BICDL2: variants seen among roughly 807,000 people sequenced by gnomAD.
BICDL2 encodes the protein BICD family-like cargo adapter 2.
In BICDL2, 62 loss-of-function variants were observed where a neutral mutation model predicts 56.6. That is an observed-to-expected ratio of 1.10 (90% CI 0.89 to 1.35). The LOEUF (loss-of-function observed/expected upper bound fraction) is 1.35. Ranked by LOEUF, BICDL2 falls within the 40% of genes most tolerant of loss-of-function variation. The pLI, the probability that BICDL2 is intolerant of heterozygous loss-of-function variation, is 0.00. For synonymous variants in BICDL2, 358 were observed against 319.8 expected (o/e 1.12, Z -1.27); for missense variants, 808 against 684.5 (o/e 1.18, Z -2.01).
chr16:3,035,950 G>A (rs1955728403), intron 1 of BICDL2: 3 of 298,242 alleles, frequency 1.0e-5, no homozygotes, highest in Admixed American at 1.0e-4. Flanking sequence ...CAGGAATGCA[G>A]GACCCTAAGG....
intron 1 of BICDL2, chr16:3,036,186 C>T: frequency 2.3e-6 from 1 of 431,000 alleles, no homozygotes. Flanking sequence ...GCATTCATGC[C>T]CCCACCCCTC....
rs1368796847 is a variant in BICDL2, at chr16:3,035,437, G to A, written c.60C>T (p.Pro20=). ...PSGPLSGGAS[P]SGDEGFFPFV... Reference sequence around the variant, plus strand: ...AGGGGAAGAAGCCCTCGTCGCCGCTGGGAGAGGCGCCCCCTGAGAGCGGCC... The same window carrying A: ...AGGGGAAGAAGCCCTCGTCGCCGCTAGGAGAGGCGCCCCCTGAGAGCGGCC... Residue 20 remains proline (P), a synonymous_variant, in exon 2 of 10, where the codon CCC becomes CCT. Coordinates refer to ENST00000572449, the MANE Select transcript of BICDL2 (RefSeq NM_001369667.1). 2 of 1,612,348 alleles carry A rather than the reference G, an allele frequency of 1.2e-6. No individual in the cohort carries two copies. Among genetic ancestry groups the A allele is most frequent in the African/African-American group, 1.3e-5 (1 of 75,036 alleles).
chr16:3,035,761 ATC>A, intron 1 of BICDL2: 1 of 522,122 alleles, frequency 1.9e-6, no homozygotes, highest in Non-Finnish European at 3.4e-6. Context: ...CTGCCAGACA[ATC>A]TCTGTCCCCA....
Position 3,028,328 on chromosome 16 carries a change from AC to A in BICDL2, c.1359+19del. ...GGTCCCGCCCCTTGCCCCGCCCCGC[AC>A]ACGGGCCCCGCCCCTCACCTGCCAG... On this transcript the variant is annotated intron_variant, in intron 9 of 9. Transcript: ENST00000572449. 6.6e-7 allele frequency: 1 copy of A among 1,521,152 alleles called. No individual in the cohort carries two copies. Among genetic ancestry groups the A allele is most frequent in the Non-Finnish European group, 8.8e-7 (1 of 1,135,312 alleles). The allele number at this position is 1,521,152 out of a possible 1,614,324, so 94.2% of individuals were successfully genotyped here. A position where few individuals can be genotyped will look rare whatever the true frequency, so the allele number is the denominator to read the frequency against.
Position 3,035,317 on chromosome 16 carries a change from G to T in BICDL2, c.180C>A (p.Asp60Glu). The change falls in exon 2 of 10, where the codon GAC becomes GAA. Residue 60 changes from aspartate to glutamate, a missense_variant. Asp to Glu is a conservative substitution (Grantham distance 45). Transcript: ENST00000572449. Reference sequence around the variant, plus strand: ...TGCCGAGCTCCGCGGCCAACAGCAGGTCTTTCTCCTTCTGCTGCAGCTGCA... The same window carrying T: ...TGCCGAGCTCCGCGGCCAACAGCAGTTCTTTCTCCTTCTGCTGCAGCTGCA... ...LALQLQQKEK[D>E]LLLAAELGKM... 1.3e-6 allele frequency: 2 copies of T among 1,580,300 alleles called. No individual in the cohort carries two copies. The highest frequency in any genetic ancestry group is 1.7e-6 in the Non-Finnish European group (2 of 1,163,566).
rs56382043 is a variant in BICDL2 at position 3,027,709 on chromosome 16, CTTT to C, written c.*394_*396del. On this transcript the variant is annotated 3_prime_UTR_variant, in exon 10 of 10. Coordinates refer to ENST00000572449, the MANE Select transcript of BICDL2 (RefSeq NM_001369667.1). ...AGGGTTTTAGAGTGTTTTTCATTTT[CTTT>C]TTTTTTTTTTTTTTACAATAAAGTT... 0.054 allele frequency: 70,947 copies of C among 1,314,938 alleles called. 7 individuals carry two copies. The highest frequency in any genetic ancestry group is 0.081 in the Admixed American group (3,107 of 38,552). The allele number at this position is 1,314,938 out of a possible 1,614,324, so 81.5% of individuals were successfully genotyped here. A position where few individuals can be genotyped will look rare whatever the true frequency, so the allele number is the denominator to read the frequency against.
chr16:3,028,338 C>T lies in BICDL2; in HGVS notation c.1359+10G>A. On this transcript the variant is annotated intron_variant, in intron 9 of 9. Transcript: ENST00000572449. The stretch of plus-strand genomic sequence containing the variant: ...CTTGCCCCGCCCCGCACACGGGCCC[C>T]GCCCCTCACCTGCCAGGCCTCCAGC... 6.5e-7 allele frequency: 1 copy of T among 1,549,812 alleles called. No individual in the cohort carries two copies. Among genetic ancestry groups the T allele is most frequent in the Non-Finnish European group, 8.7e-7 (1 of 1,155,538 alleles).
Position 3,029,287 on chromosome 16 carries a change from T to C in BICDL2, c.1100A>G (p.Gln367Arg). The C allele has an allele frequency of 6.2e-7, 1 of 1,611,172 alleles. No individual in the cohort carries two copies. ...CCGTGCCCTCTGCCCCACCTCATCTTGCAGCTTGGCCACTTCCACCTCCTT... is the reference window on the plus strand; with the variant it reads ...CCGTGCCCTCTGCCCCACCTCATCTCGCAGCTTGGCCACTTCCACCTCCTT... ...EEKEVEVAKL[Q>R]DEISLQQAEL... The change falls in exon 7 of 10, where the codon CAA becomes CGA. Residue 367 changes from glutamine (Q) to arginine (R), a missense_variant. Physicochemically the swap from Gln to Arg is conservative, Grantham distance 43. Coordinates refer to ENST00000572449, the MANE Select transcript of BICDL2 (RefSeq NM_001369667.1).
intron 8 of BICDL2, 82 bp from the exon 9 acceptor site, chr16:3,028,550 G>A (rs1424649747): frequency 3.9e-6 from 6 of 1,534,330 alleles, no homozygotes; most frequent in African/African-American, 2.8e-5. Context: ...CTGTACCCGG[G>A]CGGGAGGAGG....
At chr16:3,031,762 C>G in intron 2 of BICDL2, 1 of 384,970 alleles carries the variant, frequency 2.6e-6, no homozygotes, top group East Asian at 3.7e-5. Context: ...ATTGCCACAG[C>G]TGCTGCAGCG....
intron 1 of BICDL2, chr16:3,035,842 C>T (rs186405888): frequency 7.0e-4 from 250 of 358,594 alleles, no homozygotes; most frequent in African/African-American, 4.7e-3. Context: ...TTCCCAGAAC[C>T]CAGCAGTTTG....
At position 3,027,815 on chromosome 16, in the gene BICDL2, G is replaced by C. The variant is rs1001728763; in HGVS notation, c.*291C>G. 4.3e-5 allele frequency: 38 copies of C among 883,024 alleles called. No individual in the cohort carries two copies. In the African/African-American group the frequency reaches 6.4e-4, roughly 15 times the overall value. The allele number at this position is 883,024 out of a possible 1,614,324, so 54.7% of individuals were successfully genotyped here. A position where few individuals can be genotyped will look rare whatever the true frequency, so the allele number is the denominator to read the frequency against. On this transcript the variant is annotated 3_prime_UTR_variant, in exon 10 of 10. Coordinates refer to ENST00000572449, the MANE Select transcript of BICDL2 (RefSeq NM_001369667.1). ...GAGTGATTTATATATTACTCTGTCC[G>C]ATCTTGATACATAAATACCCAGCCC...
rs905448343 is a variant in BICDL2, at chr16:3,027,914, C to T, written c.*192G>A. 7 of 918,816 alleles carry T rather than the reference C, an allele frequency of 7.6e-6. No individual in the cohort carries two copies. The highest frequency in any genetic ancestry group is 1.1e-5 in the Non-Finnish European group (7 of 648,904). The allele number at this position is 918,816 out of a possible 1,614,324, so 56.9% of individuals were successfully genotyped here. A position where few individuals can be genotyped will look rare whatever the true frequency, so the allele number is the denominator to read the frequency against. On this transcript the variant is annotated 3_prime_UTR_variant, in exon 10 of 10. Transcript: ENST00000572449. Reference sequence around the variant, plus strand: ...CTGTTCACCTGCCCCTGCCACCCACCTGGAGCTCCTGCCCCACAAAGCTGG... The same window carrying T: ...CTGTTCACCTGCCCCTGCCACCCACTTGGAGCTCCTGCCCCACAAAGCTGG...
chr16:3,035,685 C>T (rs987883210), intron 1 of BICDL2, 159 bp from the exon 2 acceptor site: 4 of 628,586 alleles, frequency 6.4e-6, no homozygotes, highest in African/African-American at 5.5e-5. Context: ...TACCCAGTTC[C>T]GTTAATGTCC....
chr16:3,034,056 G>T (rs559171960), intron 2 of BICDL2, among the ~76,000 whole-genome samples: 2 of 152,262 alleles, frequency 1.3e-5, no homozygotes, highest in South Asian at 4.1e-4. Flanking sequence ...AGCAAGAAGT[G>T]GGCCAAAAAT....
Position 3,027,989 on chromosome 16 carries a change from C to G in BICDL2, c.*117G>C. The G allele has an allele frequency of 1.5e-6, 2 of 1,328,120 alleles. No individual in the cohort carries two copies. Among genetic ancestry groups the G allele is most frequent in the Non-Finnish European group, 2.0e-6 (2 of 1,025,376 alleles). The allele number at this position is 1,328,120 out of a possible 1,614,324, so 82.3% of individuals were successfully genotyped here. On this transcript the variant is annotated 3_prime_UTR_variant, in exon 10 of 10. Transcript: ENST00000572449. ...TCCCGATGAGCCCTTGCCCAGCATC[C>G]TGGGGCGGGGAGGGCATCAGCTTCT...
chr16:3,032,293 A>C (rs1320774366), intron 2 of BICDL2: 3 of 152,266 alleles, frequency 2.0e-5, no homozygotes, highest in Non-Finnish European at 2.9e-5. Flanking sequence ...TCTTAACCGA[A>C]TACTGCAGAG....
rs555258117 is a variant in BICDL2, at chr16:3,030,574, G to A, written c.637C>T (p.Arg213Trp). The stretch of plus-strand genomic sequence containing the variant: ...CGGATCTGGGCCTCCAGGTCCTGCC[G>A]GCGGCTCTGCAGCATCTGGTTCTGG... ...QGENQMLQSR[R>W]QDLEAQIRGL... is the part of the protein sequence containing the mutation. The change falls in exon 5 of 10, where the codon CGG becomes TGG. Residue 213 changes from arginine (R) to tryptophan (W), a missense_variant. Arg to Trp is a moderately radical substitution (Grantham distance 101, BLOSUM62 -3). Transcript: ENST00000572449. 73 of 1,596,516 alleles carry A rather than the reference G, an allele frequency of 4.6e-5. No individual in the cohort carries two copies. The highest frequency in any genetic ancestry group is 3.3e-4 in the Middle Eastern group (2 of 6,046).
At chr16:3,034,861 C>T (rs1955708279) in intron 2 of BICDL2, 1 of 239,260 alleles carries the variant, frequency 4.2e-6, no homozygotes. Flanking sequence ...CTACAGGTGC[C>T]ACCACCACAT....
Sources: allele counts gnomAD v4.1 joint callset (sites outside exome capture counted in the v4.1 genomes callset), GRCh38; gene constraint gnomAD v4.1.1; transcripts MANE v1.5; gene names NCBI Gene and HGNC (gene_info 2026-07-23, HGNC 2026-07-21).